The following TDRD3 variants were observed in gnomAD, a reference collection of about 807,000 sequenced individuals.
TDRD3 encodes the protein tudor domain-containing protein 3.
In TDRD3, 45 loss-of-function variants were observed where a neutral mutation model predicts 86.7. The observed-to-expected ratio is 0.52, with a 90% CI of 0.41 to 0.67. The LOEUF is 0.67. Ranked by LOEUF, TDRD3 falls within the 30% of genes least tolerant of loss-of-function variation. TDRD3 has a pLI of 0.00. For missense variants in TDRD3, 814 were observed against 889.0 expected, an observed-to-expected ratio of 0.92 and a Z score of 1.07; for synonymous variants, 298 against 301.7, an observed-to-expected ratio of 0.99 and a Z score of 0.13.
intron 7 of TDRD3, among the ~76,000 whole-genome samples, chr13:60,491,686 G>T (rs951396534): frequency 1.3e-5 from 2 of 152,138 alleles, no homozygotes; most frequent in African/African-American, 2.4e-5. Flanking sequence ...CATATGGTTG[G>T]TGGTATGATA....
intron 5 of TDRD3, among the ~76,000 whole-genome samples, chr13:60,477,628 A>G (rs1038770086): frequency 1.3e-5 from 2 of 152,148 alleles, no homozygotes; most frequent in African/African-American, 4.8e-5. Context: ...TATTAAGATG[A>G]TTATGTAGTT....
intron 10 of TDRD3, among the ~76,000 whole-genome samples, chr13:60,525,086 CAAAAA>C (rs372010456): frequency 5.0e-5 from 2 of 39,742 alleles, no homozygotes; most frequent in African/African-American, 9.9e-5. Flanking sequence ...AATTTTCTCT[CAAAAA>C]AAAAAAAAAA....
At chr13:60,570,870 T>C (rs1958571264) in intron 13 of TDRD3, among the ~76,000 whole-genome samples, 1 of 152,162 alleles carries the variant, frequency 6.6e-6, no homozygotes, top group Non-Finnish European at 1.5e-5. Flanking sequence ...CTTTGAAAAA[T>C]AATATATTGC....
intron 1 of TDRD3, among the ~76,000 whole-genome samples, chr13:60,432,603 A>G (rs1182203754): frequency 6.6e-6 from 1 of 152,154 alleles, no homozygotes; most frequent in Admixed American, 6.6e-5. Context: ...ATGGAGAGAG[A>G]AACAGTTTAG....
intron 7 of TDRD3, among the ~76,000 whole-genome samples, chr13:60,493,411 C>A (rs974642513): frequency 1.3e-5 from 2 of 152,044 alleles, no homozygotes; most frequent in Admixed American, 1.3e-4. Context: ...CCTGTAACTT[C>A]AGCACTTTGG....
At chr13:60,516,578 G>T (rs1352026109) in intron 10 of TDRD3, among the ~76,000 whole-genome samples, 2 of 152,142 alleles carry the variant, frequency 1.3e-5, no homozygotes, top group Non-Finnish European at 2.9e-5. Context: ...TTGTATACTA[G>T]TTGTATGTCT....
chr13:60,537,367 A>G (rs1366885994), intron 12 of TDRD3: 3 of 151,996 alleles, frequency 2.0e-5, no homozygotes, highest in African/African-American at 7.2e-5. Context: ...ACATATCTCA[A>G]CCTATTTCTA....
At chr13:60,469,199 A>G (rs562812556) in intron 5 of TDRD3, among the ~76,000 whole-genome samples, 1 of 152,308 alleles carries the variant, frequency 6.6e-6, no homozygotes, top group South Asian at 2.1e-4. Context: ...TTCTACATAA[A>G]CAGCCAAGTT....
At position 60,542,869 on chromosome 13, in the gene TDRD3, G is replaced by T. The variant is rs1302879073; in HGVS notation, c.2118+7636G>T. On this transcript the variant is annotated intron_variant, in intron 12 of 13. Transcript: ENST00000377881. Reference sequence around the variant, plus strand: ...GAGTGGTATCTTTTGATGTATATGGGCTACCCTTACTACTGATCTTAATTT... The same window carrying T: ...GAGTGGTATCTTTTGATGTATATGGTCTACCCTTACTACTGATCTTAATTT... Among the ~76,000 whole-genome samples the T allele has an allele frequency of 3.3e-5, 5 of 151,832 alleles. No homozygotes were observed. In the East Asian group the frequency reaches 9.7e-4, roughly 29 times the overall value.
In TDRD3 at chr13:60,399,762, A is replaced by G. The variant is rs113248501; in HGVS notation, c.41+2357A>G. 2.4e-4 allele frequency among the ~76,000 whole-genome samples: 37 copies of G among 152,354 alleles called. 1 individual carries two copies. Among genetic ancestry groups the G allele is most frequent in the African/African-American group, 8.9e-4 (37 of 41,574 alleles). ...AAAAGAAGTAGATGCTAAAACATGG[A>G]CACACTATTGTTAAATCTGTTCTAT... is the stretch of plus-strand genomic sequence containing the variant. On this transcript the variant is annotated intron_variant, in intron 1 of 13. Transcript: ENST00000377881.
chr13:60,517,118 G>C (rs1186701689), intron 10 of TDRD3, among the ~76,000 whole-genome samples: 1 of 151,894 alleles, frequency 6.6e-6, no homozygotes, highest in African/African-American at 2.4e-5. Flanking sequence ...AATGGTTGAT[G>C]GGCACTTCAC....
chr13:60,428,336 A>G (rs1954862712), intron 1 of TDRD3, among the ~76,000 whole-genome samples: 1 of 151,792 alleles, frequency 6.6e-6, no homozygotes, highest in African/African-American at 2.4e-5. Context: ...GGACATAAGC[A>G]TATCTTTTTG....
At chr13:60,552,647 GC>G (rs1555292683) in intron 12 of TDRD3, among the ~76,000 whole-genome samples, 1 of 152,220 alleles carries the variant, frequency 6.6e-6, no homozygotes, top group Non-Finnish European at 1.5e-5. Context: ...CCTCTGAATT[GC>G]CCTAGTAGAG....
intron 7 of TDRD3, among the ~76,000 whole-genome samples, chr13:60,490,050 G>GTT (rs11397531): frequency 0.043 from 4,819 of 110,980 alleles, 320 homozygotes; most frequent in African/African-American, 0.11. Flanking sequence ...AAGCATCTTA[G>GTT]TTTTTTTTTT....
At chr13:60,525,957 A>G (rs1415873606) in intron 10 of TDRD3, among the ~76,000 whole-genome samples, 1 of 152,198 alleles carries the variant, frequency 6.6e-6, no homozygotes, top group Non-Finnish European at 1.5e-5. Context: ...TCTAAATTGT[A>G]GATTAGGAAA....
chr13:60,431,467 T>C (rs1485716209), intron 1 of TDRD3, among the ~76,000 whole-genome samples: 1 of 151,898 alleles, frequency 6.6e-6, no homozygotes, highest in East Asian at 1.9e-4. Flanking sequence ...TCCCTAGAAA[T>C]TTTTTAAATT....
chr13:60,522,997 G>A (rs1957323442), intron 10 of TDRD3, among the ~76,000 whole-genome samples: 1 of 122,438 alleles, frequency 8.2e-6, no homozygotes, highest in African/African-American at 2.8e-5. Context: ...CTTTAGTTGA[G>A]GCACATTATT....
At chr13:60,416,541 G>A (rs1015608463) in intron 1 of TDRD3, among the ~76,000 whole-genome samples, 3 of 152,062 alleles carry the variant, frequency 2.0e-5, no homozygotes, top group South Asian at 2.1e-4. Flanking sequence ...AATATTTTAC[G>A]AATGCCTTTT....
At chr13:60,465,631 T>C (rs1237576000) in intron 4 of TDRD3, among the ~76,000 whole-genome samples, 1 of 152,120 alleles carries the variant, frequency 6.6e-6, no homozygotes, top group African/African-American at 2.4e-5. Context: ...TATCTTACTC[T>C]GTATGGGCTC....
Sources: gnomAD v4.1 joint callset for allele counts (sites outside exome capture counted in the v4.1 genomes callset) on GRCh38, gnomAD v4.1.1 for gene constraint, MANE v1.5 for transcripts, NCBI Gene and HGNC (gene_info 2026-07-23, HGNC 2026-07-21) for gene names.